The following COL9A2 variants were observed in gnomAD, a reference collection of about 807,000 sequenced individuals.
COL9A2 encodes the protein collagen type IX alpha 2 chain, also known as collagen alpha-2(IX) chain.
Under a neutral mutation model 111.6 loss-of-function variants are expected in COL9A2, and 66 were observed. That is an observed-to-expected ratio of 0.59 (90% CI 0.48 to 0.73). The LOEUF (loss-of-function observed/expected upper bound fraction) is 0.73, where lower values mean the gene tolerates loss of function less well. COL9A2 is among the 30% of genes least tolerant of loss of function. The pLI is 0.00. For missense variants in COL9A2, 881 were observed against 954.1 expected, an observed-to-expected ratio of 0.92 and a Z score of 1.01; for synonymous variants, 353 against 364.1, an observed-to-expected ratio of 0.97 and a Z score of 0.35.
Position 40,314,079 on chromosome 1 carries a change from G to A in COL9A2, c.249+126C>T. On this transcript the variant is annotated intron_variant, in intron 4 of 31. Coordinates refer to ENST00000372748, the MANE Select transcript of COL9A2 (RefSeq NM_001852.4). The surrounding 1 kb of genome is among the most constrained non-coding windows in gnomAD (Gnocchi z 4.1). The stretch of plus-strand genomic sequence containing the variant: ...CACAAGTCATATCAAGGTGAGGGGG[G>A]CTCACAGCTGGAGAATCTCCATCCT... 1 of 1,039,214 alleles carries A rather than the reference G, an allele frequency of 9.6e-7. No individual in the cohort carries two copies. The highest frequency in any genetic ancestry group is 1.3e-5 in the South Asian group (1 of 79,082). The allele number at this position is 1,039,214 out of a possible 1,614,324, so 64.4% of individuals were successfully genotyped here. A position where few individuals can be genotyped will look rare whatever the true frequency, so the allele number is the denominator to read the frequency against.
In COL9A2 at chr1:40,316,823, C is replaced by T. The variant is rs1029885895; in HGVS notation, c.75+300G>A. 4.6e-5 allele frequency: 24 copies of T among 516,268 alleles called. No homozygotes were observed. The highest frequency in any genetic ancestry group is 2.4e-4 in the South Asian group (12 of 50,570). The allele number at this position is 516,268 out of a possible 1,614,324, so 32.0% of individuals were successfully genotyped here. On this transcript the variant is annotated intron_variant, in intron 1 of 31. Transcript: ENST00000372748. This position sits in a 1 kb window ranked among gnomAD's most constrained non-coding sequence, Gnocchi z 5.5. ...ATGAGCACCATTGTATGCCCCGCCACCTGGGCTCCCCGGGCTGCCAGGACC... is the reference window on the plus strand; with the variant it reads ...ATGAGCACCATTGTATGCCCCGCCATCTGGGCTCCCCGGGCTGCCAGGACC...
In COL9A2 at chr1:40,311,642, G is replaced by C; in HGVS notation, c.471+20C>G. The C allele has an allele frequency of 5.0e-6, 8 of 1,613,798 alleles. No homozygotes were observed. Among genetic ancestry groups the C allele is most frequent in the Non-Finnish European group, 6.8e-6 (8 of 1,179,746 alleles). Reference sequence around the variant, plus strand: ...TCCTTCCCCTGCACTTTGCCATGTCGGGGGTCTGGGGACACTTACAGGTTT... The same window carrying C: ...TCCTTCCCCTGCACTTTGCCATGTCCGGGGTCTGGGGACACTTACAGGTTT... On this transcript the variant is annotated intron_variant, in intron 9 of 31. Transcript: ENST00000372748. This position sits in a 1 kb window ranked among gnomAD's most constrained non-coding sequence, Gnocchi z 5.1.
In COL9A2 at chr1:40,303,818, G is replaced by C; in HGVS notation, c.1390C>G (p.Pro464Ala). 1 of 1,561,956 alleles carries C rather than the reference G, an allele frequency of 6.4e-7. No individual in the cohort carries two copies. The highest frequency in any genetic ancestry group is 8.7e-7 in the Non-Finnish European group (1 of 1,154,466). ...GEKGESGEPG[P>A]KGQQGVRGEP... ...AGGGGAGGACTCACCTGTCCCTTGG[G>C]CCCCGGCTCGCCGGACTCGCCCTGC... The change falls in exon 27 of 32, where the codon CCC becomes GCC. Residue 464 changes from proline (P) to alanine (A), a missense_variant. Transcript: ENST00000372748. The surrounding 1 kb of genome is among the most constrained non-coding windows in gnomAD (Gnocchi z 4.6).
Position 40,310,210 on chromosome 1 carries a change from G to A in COL9A2, c.739-46C>T, listed in dbSNP as rs766353561. 11 of 1,613,634 alleles carry A rather than the reference G, an allele frequency of 6.8e-6. No individual in the cohort carries two copies. The highest frequency in any genetic ancestry group is 5.3e-5 in the African/African-American group (4 of 74,894). On this transcript the variant is annotated intron_variant, in intron 14 of 31. Coordinates refer to ENST00000372748, the MANE Select transcript of COL9A2 (RefSeq NM_001852.4). This position sits in a 1 kb window ranked among gnomAD's most constrained non-coding sequence, Gnocchi z 4.9. ...CAGGTCAGTCCTGGCTGAACTCCAG[G>A]GGCCAGAAGGCAGCTCCTGGAAGCT...
intron 25 of COL9A2, 30 bp from the exon 26 acceptor site, chr1:40,304,002 G>A (rs1428226373): frequency 5.1e-6 from 8 of 1,569,420 alleles, no homozygotes; most frequent in Admixed American, 1.9e-5. Flanking sequence ...TCAGACGCGC[G>A]GTGGCGGCGG....
At position 40,311,466 on chromosome 1, in the gene COL9A2, CT is replaced by C. The variant is rs1557802371; in HGVS notation, c.519+33del. 32 of 1,603,616 alleles carry C rather than the reference CT, an allele frequency of 2.0e-5. No homozygotes were observed. The highest frequency in any genetic ancestry group is 2.6e-5 in the Non-Finnish European group (31 of 1,171,236). ...TCCCCATCTCTGTGGCCCCGCCCCC[CT>C]GTGTTAGCCCCGCCCCAGACCTCGT... On this transcript the variant is annotated intron_variant, in intron 10 of 31. Transcript: ENST00000372748. The surrounding 1 kb of genome is among the most constrained non-coding windows in gnomAD (Gnocchi z 5.1).
intron 1 of COL9A2, chr1:40,315,950 G>C (rs1644212262): frequency 2.8e-6 from 1 of 351,480 alleles, no homozygotes; most frequent in African/African-American, 2.1e-5. Context: ...GTGGGCGGCG[G>C]CGCCAGGAGT....
rs755487302 is a variant in COL9A2 at position 40,301,850 on chromosome 1, C to T, written c.1832G>A (p.Arg611Gln). ...GGGCCCAGGCATCCCGGGGTGCCCC[C>T]GTCCCACTTCTCCTGGATCACCCTT... ...GEKGDPGEVG[R>Q]GHPGMPGPPG... is the part of the protein sequence containing the mutation. The change falls in exon 31 of 32, where the codon CGG (arginine) becomes CAG (glutamine). Residue 611 changes from arginine (R) to glutamine (Q), a missense_variant. Physicochemically the swap from Arg to Gln is conservative, Grantham distance 43. Transcript: ENST00000372748. The T allele has an allele frequency of 6.2e-6, 10 of 1,614,010 alleles. No homozygotes were observed. Among genetic ancestry groups the T allele is most frequent in the South Asian group, 4.4e-5 (4 of 91,046 alleles).
rs961390917 is a variant in COL9A2 at position 40,307,462 on chromosome 1, C to T, written c.992G>A (p.Gly331Asp). Residue 331 changes from glycine (G) to aspartate (D), a missense_variant, in exon 19 of 32, where the codon GGC becomes GAC. Coordinates refer to ENST00000372748, the MANE Select transcript of COL9A2 (RefSeq NM_001852.4). The surrounding 1 kb of genome is among the most constrained non-coding windows in gnomAD (Gnocchi z 4.8). ...AGQAGQPGSP[G>D]HQGLAGVPGQ... Reference sequence around the variant, plus strand: ...GACACTTACCGCTAGGCCCTGGTGGCCTGGACTTCCGGGCTGTCCCGCCTG... The same window carrying T: ...GACACTTACCGCTAGGCCCTGGTGGTCTGGACTTCCGGGCTGTCCCGCCTG... 4 of 1,613,980 alleles carry T rather than the reference C, an allele frequency of 2.5e-6. No individual in the cohort carries two copies. The Admixed American group carries it at 6.7e-5, about 27-fold the overall frequency.
Position 40,310,199 on chromosome 1 carries a change from C to G in COL9A2, c.739-35G>C, listed in dbSNP as rs769570824. 1 of 1,613,916 alleles carries G rather than the reference C, an allele frequency of 6.2e-7. No homozygotes were observed. Among genetic ancestry groups the G allele is most frequent in the Non-Finnish European group, 8.5e-7 (1 of 1,179,804 alleles). On this transcript the variant is annotated intron_variant, in intron 14 of 31. Transcript: ENST00000372748. The surrounding 1 kb of genome is among the most constrained non-coding windows in gnomAD (Gnocchi z 4.9). ...GGAAAGGGTTGCAGGTCAGTCCTGG[C>G]TGAACTCCAGGGGCCAGAAGGCAGC...
At chr1:40,315,918 G>A in intron 1 of COL9A2, 1 of 447,972 alleles carries the variant, frequency 2.2e-6, no homozygotes, top group Non-Finnish European at 4.0e-6. Flanking sequence ...CTCAGAACGT[G>A]AAGGGTCCAT....
chr1:40,315,730 G>A (rs1171287966), intron 1 of COL9A2, 66 bp from the exon 2 acceptor site: 6 of 1,211,226 alleles, frequency 5.0e-6, no homozygotes, highest in African/African-American at 1.5e-5. Flanking sequence ...CCCCGGGGCT[G>A]CAAGCGACCC....
At position 40,310,909 on chromosome 1, in the gene COL9A2, A is replaced by C. The variant is rs1644112697; in HGVS notation, c.631-142T>G. 9.4e-7 allele frequency: 1 copy of C among 1,061,212 alleles called. No homozygotes were observed. Among genetic ancestry groups the C allele is most frequent in the East Asian group, 2.6e-5 (1 of 38,826 alleles). The allele number at this position is 1,061,212 out of a possible 1,614,324, so 65.7% of individuals were successfully genotyped here. On this transcript the variant is annotated intron_variant, in intron 12 of 31. Transcript: ENST00000372748. The surrounding 1 kb of genome is among the most constrained non-coding windows in gnomAD (Gnocchi z 4.9). The stretch of plus-strand genomic sequence containing the variant: ...CCCTACAGTCCTGTGTTACAGATAG[A>C]GAAAAGCCAAGCAAGGAGACATGAC...
rs1314239537 is a variant in COL9A2 at position 40,302,594 on chromosome 1, C to G, written c.1792+27G>C. 6.3e-7 allele frequency: 1 copy of G among 1,580,668 alleles called. No homozygotes were observed. The highest frequency in any genetic ancestry group is 1.2e-5 in the South Asian group (1 of 86,288). On this transcript the variant is annotated intron_variant, in intron 30 of 31. Coordinates refer to ENST00000372748, the MANE Select transcript of COL9A2 (RefSeq NM_001852.4). The surrounding 1 kb of genome is among the most constrained non-coding windows in gnomAD (Gnocchi z 4.5). ...TGGACAAATCCTCACTGCCTGGCCC[C>G]CATGCCCACCGCAGAGGAGCACTCA...
In COL9A2 at chr1:40,311,550, G is replaced by C. The variant is rs748648882; in HGVS notation, c.472-3C>G. 6.2e-7 allele frequency: 1 copy of C among 1,613,756 alleles called. No individual in the cohort carries two copies. The highest frequency in any genetic ancestry group is 1.1e-5 in the South Asian group (1 of 91,046). On this transcript the variant is annotated splice_polypyrimidine_tract_variant and splice_region_variant and intron_variant, in intron 9 of 31. Coordinates refer to ENST00000372748, the MANE Select transcript of COL9A2 (RefSeq NM_001852.4). This position sits in a 1 kb window ranked among gnomAD's most constrained non-coding sequence, Gnocchi z 5.1. ...CCCTGGATGGTTCCCGGGCGACCCTGAGAGGAGACATGAAGATGGAGCTTG... is the reference window on the plus strand; with the variant it reads ...CCCTGGATGGTTCCCGGGCGACCCTCAGAGGAGACATGAAGATGGAGCTTG...
At position 40,301,872 on chromosome 1, in the gene COL9A2, C is replaced by A; in HGVS notation, c.1810G>T (p.Gly604Cys). 2 of 1,614,130 alleles carry A rather than the reference C, an allele frequency of 1.2e-6. No individual in the cohort carries two copies. Among genetic ancestry groups the A allele is most frequent in the Non-Finnish European group, 1.7e-6 (2 of 1,179,994 alleles). ...CCCCGTCCCACTTCTCCTGGATCAC[C>A]CTTCTCTCCACGTTTTCCTGTAGAC... ...TGPKGKRGEK[G>C]DPGEVGRGHP... The change falls in exon 31 of 32, where the codon GGT (glycine) becomes TGT (cysteine). Residue 604 changes from glycine to cysteine, a missense_variant. Physicochemically the swap from Gly to Cys is radical, Grantham distance 159 (BLOSUM62 -3). Transcript: ENST00000372748.
chr1:40,300,957 C>T lies in COL9A2; in HGVS notation c.*225G>A, dbSNP rs2124029076. On this transcript the variant is annotated 3_prime_UTR_variant, in exon 32 of 32. Transcript: ENST00000372748. The surrounding 1 kb of genome is among the most constrained non-coding windows in gnomAD (Gnocchi z 4.4). Reference sequence around the variant, plus strand: ...CCCTATTCCTTCAGCGCTTCGACTCCATCGACACCACTTGCCCTGTGTGTT... The same window carrying T: ...CCCTATTCCTTCAGCGCTTCGACTCTATCGACACCACTTGCCCTGTGTGTT... 1.8e-6 allele frequency: 1 copy of T among 553,718 alleles called. No homozygotes were observed. Among genetic ancestry groups the T allele is most frequent in the Non-Finnish European group, 3.2e-6 (1 of 309,404 alleles). 34.3% of individuals were successfully genotyped at this position (553,718 alleles called of 1,614,324 possible). A position where few individuals can be genotyped will look rare whatever the true frequency, so the allele number is the denominator to read the frequency against.
Position 40,303,813 on chromosome 1 carries a change from C to T in COL9A2, c.1395G>A (p.Lys465=). 6.4e-7 allele frequency: 1 copy of T among 1,564,156 alleles called. No individual in the cohort carries two copies. The highest frequency in any genetic ancestry group is 2.3e-5 in the East Asian group (1 of 42,614). Residue 465 remains lysine (K), a synonymous_variant, in exon 27 of 32, where the codon AAG becomes AAA. Transcript: ENST00000372748. The surrounding 1 kb of genome is among the most constrained non-coding windows in gnomAD (Gnocchi z 4.6). ...EKGESGEPGP[K]GQQGVRGEPG... The stretch of plus-strand genomic sequence containing the variant: ...CCGGGAGGGGAGGACTCACCTGTCC[C>T]TTGGGCCCCGGCTCGCCGGACTCGC...
rs1644151087 is a variant in COL9A2 at position 40,312,669 on chromosome 1, T to A, written c.304-60A>T. On this transcript the variant is annotated intron_variant, in intron 5 of 31. Coordinates refer to ENST00000372748, the MANE Select transcript of COL9A2 (RefSeq NM_001852.4). This position sits in a 1 kb window ranked among gnomAD's most constrained non-coding sequence, Gnocchi z 6.0. Reference sequence around the variant, plus strand: ...GTTTCCCCGGCTCCTACTTCCTCTCTACAGCCACTCCCAAACGCTGGCCCT... The same window carrying A: ...GTTTCCCCGGCTCCTACTTCCTCTCAACAGCCACTCCCAAACGCTGGCCCT... 6.3e-7 allele frequency: 1 copy of A among 1,597,804 alleles called. No individual in the cohort carries two copies. Among genetic ancestry groups the A allele is most frequent in the Non-Finnish European group, 8.5e-7 (1 of 1,171,788 alleles).
Sources: allele counts gnomAD v4.1 joint callset, GRCh38; gene constraint gnomAD v4.1.1; non-coding constraint Gnocchi (gnomAD v3.1); transcripts MANE v1.5; gene names NCBI Gene and HGNC (gene_info 2026-07-23, HGNC 2026-07-21).